Variants in HTR2C observed in about 807,000 individuals in gnomAD.
HTR2C encodes the protein 5-hydroxytryptamine (serotonin) receptor 2C, G protein-coupled.
A neutral mutation model predicts 21.0 loss-of-function variants in HTR2C; 5 were observed. The observed-to-expected ratio is 0.24, with a 90% CI of 0.12 to 0.50. The LOEUF is 0.50. Ranked by LOEUF, HTR2C falls within the 20% of genes least tolerant of loss-of-function variation. The pLI, the probability that HTR2C is intolerant of heterozygous loss-of-function variation, is 0.98. For synonymous variants in HTR2C, 150 were observed against 145.3 expected, an observed-to-expected ratio of 1.03 and a Z score of -0.23; for missense variants, 271 against 371.2, an observed-to-expected ratio of 0.73 and a Z score of 2.22.
chrX:114,740,853 A>G (rs2069637980), intron 4 of HTR2C, among the ~76,000 whole-genome samples: 1 of 111,556 alleles, frequency 9.0e-6, no homozygotes, highest in South Asian at 3.7e-4. Flanking sequence ...TGATTGTATA[A>G]CACCACCAAT....
chrX:114,791,711 A>T (rs1556443675), intron 4 of HTR2C, among the ~76,000 whole-genome samples: 2 of 111,434 alleles, frequency 1.8e-5, no homozygotes, highest in African/African-American at 6.5e-5. Flanking sequence ...AAAGCATAGT[A>T]CTTACCTTAA....
chrX:114,719,474 A>T (rs1191014115), intron 2 of HTR2C, among the ~76,000 whole-genome samples: 1 of 111,542 alleles, frequency 9.0e-6, no homozygotes, highest in South Asian at 3.7e-4. Flanking sequence ...GTAAGATAAC[A>T]TAATTTATGT....
intron 1 of HTR2C, among the ~76,000 whole-genome samples, chrX:114,595,309 C>T (rs1927787414): frequency 9.0e-6 from 1 of 110,734 alleles, no homozygotes; most frequent in Non-Finnish European, 1.9e-5. Context: ...CCCCGAACTC[C>T]TGGGCTCAAG....
intron 1 of HTR2C, among the ~76,000 whole-genome samples, chrX:114,586,614 C>A (rs1417476652): frequency 9.1e-6 from 1 of 110,364 alleles, no homozygotes; most frequent in Non-Finnish European, 1.9e-5. Flanking sequence ...GGGTTATTAA[C>A]CCTTTCTATG....
intron 5 of HTR2C, among the ~76,000 whole-genome samples, chrX:114,882,786 T>C (rs191847996): frequency 9.1e-6 from 1 of 110,455 alleles, no homozygotes. Context: ...TATTTATCCG[T>C]AGTTTTCTTG....
At chrX:114,790,357 T>C (rs1335152482) in intron 4 of HTR2C, among the ~76,000 whole-genome samples, 1 of 112,029 alleles carries the variant, frequency 8.9e-6, no homozygotes, top group Non-Finnish European at 1.9e-5. Flanking sequence ...TTATTGCATT[T>C]ATAATGAGTT....
In HTR2C at chrX:114,878,321, A is replaced by G. The variant is rs1458743568; in HGVS notation, c.551-28268A>G. On this transcript the variant is annotated intron_variant, in intron 5 of 5. Coordinates refer to ENST00000276198, the MANE Select transcript of HTR2C (RefSeq NM_000868.4). ...TCATCCAGCTTCATTAAATGTTAAC[A>G]TATTGTATACCCGTAGTATAATTAT... 6.3e-5 allele frequency among the ~76,000 whole-genome samples: 7 copies of G among 110,673 alleles called. No individual in the cohort carries two copies. In the Admixed American group the frequency reaches 6.7e-4, roughly 11 times the overall value.
chrX:114,801,540 A>G (rs924073320), intron 4 of HTR2C, among the ~76,000 whole-genome samples: 1 of 111,614 alleles, frequency 9.0e-6, no homozygotes, highest in Admixed American at 9.6e-5. Flanking sequence ...GAATTTGAGC[A>G]TTTGGGGACA....
intron 2 of HTR2C, among the ~76,000 whole-genome samples, chrX:114,689,208 G>GTGTATATATATATATATATATATA (rs1556414750): frequency 4.1e-5 from 3 of 72,740 alleles, no homozygotes; most frequent in Non-Finnish European, 7.5e-5. Context: ...GTATGTATGC[G>GTGTATATATATATATATATATATA]TATATATATA....
At chrX:114,827,069 C>G (rs1845223108) in intron 4 of HTR2C, among the ~76,000 whole-genome samples, 1 of 109,974 alleles carries the variant, frequency 9.1e-6, no homozygotes, top group Non-Finnish European at 1.9e-5. Flanking sequence ...TTATAAGTAT[C>G]CCTTATCCAA....
chrX:114,867,919 T>C (rs2071059005), intron 5 of HTR2C, among the ~76,000 whole-genome samples: 1 of 111,928 alleles, frequency 8.9e-6, no homozygotes, highest in African/African-American at 3.2e-5. Flanking sequence ...GTCTGTAGTA[T>C]AATTTGAAGT....
intron 5 of HTR2C, among the ~76,000 whole-genome samples, chrX:114,895,850 T>C (rs1245340836): frequency 2.7e-5 from 3 of 109,290 alleles, no homozygotes; most frequent in African/African-American, 1.0e-4. Flanking sequence ...TAGCCAGGAG[T>C]GGTGGCGGGT....
chrX:114,778,346 T>A (rs1212853613), intron 4 of HTR2C, among the ~76,000 whole-genome samples: 1 of 111,720 alleles, frequency 9.0e-6, no homozygotes, highest in East Asian at 2.8e-4. Flanking sequence ...TCATAAAGTA[T>A]CTGGATTTTA....
chrX:114,652,685 A>G (rs1209685563), intron 2 of HTR2C: 2 of 376,760 alleles, frequency 5.3e-6, no homozygotes, highest in Non-Finnish European at 1.1e-5. Context: ...TTGAAAGAAT[A>G]AATAAACCAA....
intron 2 of HTR2C, among the ~76,000 whole-genome samples, chrX:114,623,553 C>T (rs1163770761): frequency 8.9e-6 from 1 of 111,827 alleles, no homozygotes; most frequent in East Asian, 2.8e-4. Flanking sequence ...CTATATAAGA[C>T]AGTGTATATT....
At chrX:114,720,020 G>T (rs1933134815) in intron 2 of HTR2C, among the ~76,000 whole-genome samples, 1 of 111,653 alleles carries the variant, frequency 9.0e-6, no homozygotes, top group Admixed American at 9.6e-5. Flanking sequence ...TAAGGAAAAA[G>T]GAAAAAGTTT....
chrX:114,788,821 G>C (rs2070203571), intron 4 of HTR2C, among the ~76,000 whole-genome samples: 1 of 110,256 alleles, frequency 9.1e-6, no homozygotes, highest in Non-Finnish European at 1.9e-5. Context: ...GCTAATTTTT[G>C]TATTTTTTGT....
chrX:114,775,753 G>T (rs1344255733), intron 4 of HTR2C: 5 of 509,919 alleles, frequency 9.8e-6, no homozygotes, highest in Non-Finnish European at 1.3e-5. Context: ...GAATCTTGGG[G>T]ATATGAGTAT....
At chrX:114,861,607 C>T (rs1431703524) in intron 5 of HTR2C, among the ~76,000 whole-genome samples, 2 of 111,265 alleles carry the variant, frequency 1.8e-5, no homozygotes, top group African/African-American at 6.5e-5. Flanking sequence ...TACATCCCCA[C>T]AAGCAGTGTA....
Sources: allele counts gnomAD v4.1 joint callset (sites outside exome capture counted in the v4.1 genomes callset), GRCh38; gene constraint gnomAD v4.1.1; transcripts MANE v1.5; gene names NCBI Gene and HGNC (gene_info 2026-07-23, HGNC 2026-07-21).